The following SHC3 variants were observed in gnomAD, a reference collection of about 807,000 sequenced individuals.
The protein encoded by SHC3 is SHC adaptor protein 3, also known as SHC-transforming protein 3.
Under a neutral mutation model 60.4 loss-of-function variants are expected in SHC3, and 15 were observed. That is an observed-to-expected ratio of 0.25 (90% CI 0.17 to 0.38). The LOEUF is 0.38. SHC3 is among the 10% of genes least tolerant of loss of function. The probability of loss-of-function intolerance (pLI) is 1.00; values close to 1 mark genes in which losing one functional copy is unlikely to be tolerated. For synonymous variants in SHC3, 294 were observed against 325.9 expected (o/e 0.90, Z 1.05); for missense variants, 677 against 786.1 (o/e 0.86, Z 1.66).
chr9:89,063,440 T>TAGTA (rs1825125121), intron 6 of SHC3, among the ~76,000 whole-genome samples: 1 of 152,206 alleles, frequency 6.6e-6, no homozygotes, highest in South Asian at 2.1e-4. Context: ...CAGCTGTGAC[T>TAGTA]AGTAAATCTA....
At chr9:89,051,228 T>C (rs1564101771) in intron 7 of SHC3, among the ~76,000 whole-genome samples, 1 of 152,224 alleles carries the variant, frequency 6.6e-6, no homozygotes, top group Non-Finnish European at 1.5e-5. Flanking sequence ...AGTAAAGTTT[T>C]GTTTCTAGCG....
intron 2 of SHC3, among the ~76,000 whole-genome samples, chr9:89,102,048 G>A (rs1246838022): frequency 6.6e-6 from 1 of 152,004 alleles, no homozygotes; most frequent in Non-Finnish European, 1.5e-5. Flanking sequence ...GCAAACATTA[G>A]TAGTTGTATC....
chr9:89,018,712 A>G (rs1271557317), intron 11 of SHC3, among the ~76,000 whole-genome samples: 1 of 133,054 alleles, frequency 7.5e-6, no homozygotes, highest in Non-Finnish European at 1.6e-5. Context: ...TTTTTTTTTT[A>G]AAGAAAACCC....
At chr9:89,124,086 A>T (rs1224561125) in intron 1 of SHC3, among the ~76,000 whole-genome samples, 1 of 152,232 alleles carries the variant, frequency 6.6e-6, no homozygotes, top group African/African-American at 2.4e-5. Context: ...TATGAAAAAA[A>T]AAAAGCTCAT....
chr9:89,016,999 T>C (rs1239531413), intron 11 of SHC3, among the ~76,000 whole-genome samples: 3 of 152,020 alleles, frequency 2.0e-5, no homozygotes, highest in Admixed American at 2.0e-4. Context: ...GGTCTTTTTT[T>C]CCCACAAACA....
intron 6 of SHC3, among the ~76,000 whole-genome samples, chr9:89,062,738 C>T (rs1396924975): frequency 6.6e-6 from 1 of 152,194 alleles, no homozygotes. Context: ...AGTGTGGGGA[C>T]TTTTAAGAGC....
chr9:89,132,364 C>T (rs1042886171), intron 1 of SHC3, among the ~76,000 whole-genome samples: 2 of 152,158 alleles, frequency 1.3e-5, no homozygotes, highest in Non-Finnish European at 2.9e-5. Context: ...AATGCCATCC[C>T]CATCAAGCTA....
chr9:89,046,813 C>G (rs1328858987), intron 8 of SHC3, 31 bp downstream of exon 8: 1 of 1,477,414 alleles, frequency 6.8e-7, no homozygotes, highest in Non-Finnish European at 9.0e-7. Flanking sequence ...AGCCTCCATT[C>G]CTTATATAAG....
At chr9:89,070,418 T>C (rs1825252114) in intron 5 of SHC3, among the ~76,000 whole-genome samples, 1 of 152,178 alleles carries the variant, frequency 6.6e-6, no homozygotes, top group Admixed American at 6.5e-5. Flanking sequence ...TCCTGCCTGG[T>C]TTCTTTGCAG....
intron 1 of SHC3, among the ~76,000 whole-genome samples, chr9:89,172,106 A>G (rs1365362544): frequency 6.6e-6 from 1 of 152,238 alleles, no homozygotes. Flanking sequence ...AAGACAAAGA[A>G]GATCAGCATG....
chr9:89,042,008 A>G lies in SHC3; in HGVS notation c.1360+18T>C. The G allele has an allele frequency of 6.2e-7, 1 of 1,613,660 alleles. No individual in the cohort carries two copies. The highest frequency in any genetic ancestry group is 8.5e-7 in the Non-Finnish European group (1 of 1,179,930). Reference sequence around the variant, plus strand: ...CAACCTCAAAAGAAAAGAAAACCAGAGACAAACAGAAACCCACTCATGTCA... The same window carrying G: ...CAACCTCAAAAGAAAAGAAAACCAGGGACAAACAGAAACCCACTCATGTCA... On this transcript the variant is annotated intron_variant, in intron 10 of 11. Transcript: ENST00000375835.
At chr9:89,119,600 T>C (rs1251170247) in intron 1 of SHC3, among the ~76,000 whole-genome samples, 1 of 152,078 alleles carries the variant, frequency 6.6e-6, no homozygotes, top group Non-Finnish European at 1.5e-5. Flanking sequence ...AGAAGAAAAC[T>C]TTAATGAAAG....
chr9:89,099,940 G>A (rs1282019279), intron 2 of SHC3, among the ~76,000 whole-genome samples: 1 of 152,168 alleles, frequency 6.6e-6, no homozygotes, highest in Non-Finnish European at 1.5e-5. Flanking sequence ...ACAAGACATA[G>A]TTATTTTCTC....
chr9:89,163,280 A>T (rs2118248026), intron 1 of SHC3, among the ~76,000 whole-genome samples: 1 of 152,316 alleles, frequency 6.6e-6, no homozygotes, highest in African/African-American at 2.4e-5. Flanking sequence ...TGCTGCTATA[A>T]AGACACATGC....
intron 1 of SHC3, among the ~76,000 whole-genome samples, chr9:89,156,271 A>G (rs1009231364): frequency 2.6e-5 from 4 of 152,092 alleles, no homozygotes; most frequent in African/African-American, 9.7e-5. Flanking sequence ...GCCAGATACC[A>G]CCTGCCAGTC....
intron 1 of SHC3, among the ~76,000 whole-genome samples, chr9:89,125,382 C>G (rs534109445): frequency 6.6e-6 from 1 of 151,776 alleles, no homozygotes; most frequent in Non-Finnish European, 1.5e-5. Context: ...TCTCCTTGAG[C>G]CTCATTTTTC....
chr9:89,028,095 C>A (rs975941926), intron 11 of SHC3, among the ~76,000 whole-genome samples: 1 of 152,192 alleles, frequency 6.6e-6, no homozygotes, highest in Non-Finnish European at 1.5e-5. Flanking sequence ...GGGAGGCACC[C>A]AGGCTAAAAG....
chr9:89,108,299 G>T (rs902696141), intron 2 of SHC3, among the ~76,000 whole-genome samples: 4 of 151,770 alleles, frequency 2.6e-5, no homozygotes, highest in Non-Finnish European at 5.9e-5. Flanking sequence ...GATCACTTGA[G>T]CCCAGGAGTT....
intron 4 of SHC3, among the ~76,000 whole-genome samples, chr9:89,072,254 C>T (rs1363188869): frequency 1.3e-5 from 2 of 152,138 alleles, no homozygotes; most frequent in Admixed American, 6.5e-5. Flanking sequence ...TTATGTCTGA[C>T]CTTGAGCTGC....
Sources: allele counts gnomAD v4.1 joint callset (sites outside exome capture counted in the v4.1 genomes callset), GRCh38; gene constraint gnomAD v4.1.1; transcripts MANE v1.5; gene names NCBI Gene and HGNC (gene_info 2026-07-23, HGNC 2026-07-21).